The following MAP4 variants were observed in gnomAD, a reference collection of about 807,000 sequenced individuals.
MAP4 encodes microtubule associated protein 4.
MAP4 carries 76 observed loss-of-function variants against 170.2 expected under a neutral mutation model. That is an observed-to-expected ratio of 0.45 (90% CI 0.37 to 0.54). The LOEUF (loss-of-function observed/expected upper bound fraction) is 0.54, where lower values mean the gene tolerates loss of function less well. MAP4 is among the 20% of genes least tolerant of loss of function. The pLI is 0.00. For synonymous variants in MAP4, 909 were observed against 994.5 expected, an observed-to-expected ratio of 0.91 and a Z score of 1.62; for missense variants, 2,506 against 2,748.0, an observed-to-expected ratio of 0.91 and a Z score of 1.97.
chr3:48,021,304 T>G (rs1335816255), upstream of MAP4, among the ~76,000 whole-genome samples: 1 of 152,094 alleles, frequency 6.6e-6, no homozygotes, highest in Non-Finnish European at 1.5e-5. Flanking sequence ...TATGATATTT[T>G]AAAGGTATCA....
chr3:48,035,072 C>G (rs1304649473), intron 1 of MAP4, among the ~76,000 whole-genome samples: 1 of 144,788 alleles, frequency 6.9e-6, no homozygotes, highest in South Asian at 2.2e-4. Context: ...TACAAGTGAA[C>G]AAAAAGAAAA....
At chr3:48,007,180 T>C (rs2100102799) in intron 1 of MAP4, among the ~76,000 whole-genome samples, 1 of 152,226 alleles carries the variant, frequency 6.6e-6, no homozygotes, top group Non-Finnish European at 1.5e-5. Flanking sequence ...CTTATTGGTG[T>C]GACATTTGCA....
Position 48,004,383 on chromosome 3 carries a change from A to G in MAP4, c.-19-5504T>C, listed in dbSNP as rs565166277. Among the ~76,000 whole-genome samples the G allele has an allele frequency of 2.6e-5, 4 of 152,340 alleles. No homozygotes were observed. In the South Asian group the frequency reaches 8.3e-4, roughly 32 times the overall value. On this transcript the variant is annotated intron_variant, in intron 1 of 20. Coordinates refer to ENST00000683076, the MANE Select transcript of MAP4 (RefSeq NM_001385682.1). Reference sequence around the variant, plus strand: ...GAAAGGTAAGGACTTTAGTGACTCTATACATAATACCTTTGACCATATGTG... The same window carrying G: ...GAAAGGTAAGGACTTTAGTGACTCTGTACATAATACCTTTGACCATATGTG...
intron 3 of MAP4, among the ~76,000 whole-genome samples, chr3:47,964,148 T>C (rs1373465347): frequency 6.6e-6 from 1 of 152,188 alleles, no homozygotes; most frequent in African/African-American, 2.4e-5. Context: ...GGCTTTTACT[T>C]TGAGATGGGC....
At chr3:47,920,288 G>A (rs1402815183) in intron 5 of MAP4, among the ~76,000 whole-genome samples, 2 of 151,910 alleles carry the variant, frequency 1.3e-5, no homozygotes, top group Non-Finnish European at 2.9e-5. Flanking sequence ...TCTATTTTTA[G>A]TAGAGATGGG....
In MAP4 at chr3:47,909,375, C is replaced by A. The variant is rs368918388; in HGVS notation, c.5046G>T (p.Leu1682Phe). 2.5e-6 allele frequency: 4 copies of A among 1,613,782 alleles called. No homozygotes were observed. The highest frequency in any genetic ancestry group is 2.7e-5 in the African/African-American group (2 of 74,904). The change falls in exon 9 of 21, where the codon TTG (leucine) becomes TTT (phenylalanine). Residue 1682 changes from leucine to phenylalanine, a missense_variant. Transcript: ENST00000683076. Reference sequence around the variant, plus strand: ...CTGGTGTTGGCAAGGAAACGCTTTCCAATTCCGTGATTTTACAAGCCAGAC... The same window carrying A: ...CTGGTGTTGGCAAGGAAACGCTTTCAAATTCCGTGATTTTACAAGCCAGAC... ...EISLACKITE[L>F]ESVSLPTPEI...
At chr3:47,861,108 C>T (rs1440423175) in intron 17 of MAP4, among the ~76,000 whole-genome samples, 1 of 152,108 alleles carries the variant, frequency 6.6e-6, no homozygotes, top group Non-Finnish European at 1.5e-5. Flanking sequence ...TGCCTGTAAT[C>T]CCAGCACTTT....
rs567318260 is a variant in MAP4 at position 47,949,655 on chromosome 3, G to A, written c.293-21305C>T. On this transcript the variant is annotated intron_variant, in intron 3 of 20. Transcript: ENST00000683076. The stretch of plus-strand genomic sequence containing the variant: ...ATAGGTTAAGAGGTATGATATATTA[G>A]TTATCAATTTATTGCCTTTCAGTTC... Among the ~76,000 whole-genome samples the A allele has an allele frequency of 2.6e-5, 4 of 152,168 alleles. No homozygotes were observed. In the South Asian group the frequency reaches 8.3e-4, roughly 32 times the overall value.
At chr3:47,920,793 C>G (rs2100042412) in intron 5 of MAP4, among the ~76,000 whole-genome samples, 1 of 152,148 alleles carries the variant, frequency 6.6e-6, no homozygotes, top group Non-Finnish European at 1.5e-5. Flanking sequence ...CTCAAGCAAT[C>G]CTGTCACCTC....
At chr3:47,936,340 C>A (rs1282386714) in intron 3 of MAP4, among the ~76,000 whole-genome samples, 1 of 150,488 alleles carries the variant, frequency 6.6e-6, no homozygotes, top group Admixed American at 6.6e-5. Flanking sequence ...GAGGCTGAGG[C>A]AGAATTGCTT....
intron 10 of MAP4, among the ~76,000 whole-genome samples, chr3:47,880,465 GTTTTTTTTT>G (rs3079393): frequency 8.5e-5 from 9 of 106,082 alleles, no homozygotes; most frequent in African/African-American, 3.1e-4. Context: ...TCCAATTTCA[GTTTTTTTTT>G]TTTTTTTTTT....
upstream of MAP4, chr3:48,016,515 T>C (rs1466255725): frequency 6.6e-6 from 1 of 152,238 alleles, no homozygotes; most frequent in Non-Finnish European, 1.5e-5. Flanking sequence ...GTTACGGTTA[T>C]GTAGGCCAAA....
At chr3:47,986,864 C>T (rs908787665) in intron 2 of MAP4, among the ~76,000 whole-genome samples, 6 of 152,134 alleles carry the variant, frequency 3.9e-5, no homozygotes, top group Non-Finnish European at 8.8e-5. Context: ...TAGGATTAGA[C>T]CAAGTACACC....
chr3:48,059,826 A>C (rs542978374), intron 1 of MAP4, among the ~76,000 whole-genome samples: 1 of 152,250 alleles, frequency 6.6e-6, no homozygotes, highest in South Asian at 2.1e-4. Flanking sequence ...ACTAAAATAC[A>C]AAAAATTAGC....
At chr3:47,866,552 A>G (rs564356556) in intron 17 of MAP4, among the ~76,000 whole-genome samples, 1 of 151,600 alleles carries the variant, frequency 6.6e-6, no homozygotes, top group South Asian at 2.1e-4. Flanking sequence ...TCAGGAGTTC[A>G]AGACCAGCCT....
At chr3:47,971,937 A>G (rs1578547832) in intron 3 of MAP4, among the ~76,000 whole-genome samples, 1 of 152,336 alleles carries the variant, frequency 6.6e-6, no homozygotes, top group East Asian at 1.9e-4. Context: ...AATTGCTTCA[A>G]TTACCAAAAG....
intron 10 of MAP4, among the ~76,000 whole-genome samples, chr3:47,895,387 A>G (rs1200691042): frequency 6.6e-6 from 1 of 152,224 alleles, no homozygotes; most frequent in Admixed American, 6.5e-5. Context: ...TGAAACAGCC[A>G]TTCAAGTAAT....
intron 1 of MAP4, among the ~76,000 whole-genome samples, chr3:48,076,767 C>T (rs1489757574): frequency 2.0e-5 from 3 of 152,110 alleles, no homozygotes; most frequent in East Asian, 1.9e-4. Context: ...ATTAGGCAAT[C>T]GTTTCTTAGA....
intron 1 of MAP4, among the ~76,000 whole-genome samples, chr3:48,041,954 G>C (rs1223471939): frequency 6.6e-6 from 1 of 152,230 alleles, no homozygotes; most frequent in Non-Finnish European, 1.5e-5. Context: ...TCCACCAGGA[G>C]AGATGCTCCT....
Sources: allele counts gnomAD v4.1 joint callset (sites outside exome capture counted in the v4.1 genomes callset), GRCh38; gene constraint gnomAD v4.1.1; transcripts MANE v1.5; gene names NCBI Gene and HGNC (gene_info 2026-07-23, HGNC 2026-07-21).